ELF5: variants seen among roughly 807,000 people sequenced by gnomAD.
ELF5 encodes the protein E74 like ETS transcription factor 5, also known as ETS-related transcription factor Elf-5.
In ELF5, 31 loss-of-function variants were observed where a neutral mutation model predicts 38.2. The ratio of observed to expected loss-of-function variants is 0.81; its 90% CI spans 0.61 to 1.10. ELF5 has a LOEUF of 1.10. Ranked by LOEUF, ELF5 falls within the 50% of genes least tolerant of loss-of-function variation. The pLI is 0.00. For missense variants in ELF5, 300 were observed against 306.6 expected (o/e 0.98, Z 0.16); for synonymous variants, 121 against 112.5 (o/e 1.08, Z -0.48).
chr11:34,479,688 CAAAAAAA>C lies in ELF5; in HGVS notation c.*523_*529del, dbSNP rs11388919. On this transcript the variant is annotated 3_prime_UTR_variant, in exon 7 of 7. Transcript: ENST00000257832. Reference sequence around the variant, plus strand: ...TGGGCAACATAGTGAGAACCCGTCTCAAAAAAAAAAAAAGGGATACTTTTCTATGGAT... The same window carrying C: ...TGGGCAACATAGTGAGAACCCGTCTCAAAAAAGGGATACTTTTCTATGGAT... The C allele has an allele frequency of 7.3e-6, 1 of 137,372 alleles. No individual in the cohort carries two copies. Among genetic ancestry groups the C allele is most frequent in the East Asian group, 2.1e-4 (1 of 4,792 alleles). The allele number at this position is 137,372 out of a possible 1,614,324, so 8.5% of individuals were successfully genotyped here.
intron 1 of ELF5, among the ~76,000 whole-genome samples, chr11:34,510,294 TA>T (rs201084454): frequency 0.011 from 1,706 of 151,144 alleles, 34 homozygotes; most frequent in African/African-American, 0.04. Context: ...ATATCTTTTA[TA>T]AAAGCAGAAA....
intron 2 of ELF5, among the ~76,000 whole-genome samples, chr11:34,498,087 T>A (rs922341376): frequency 1.3e-5 from 2 of 152,156 alleles, no homozygotes; most frequent in African/African-American, 4.8e-5. Flanking sequence ...TATTTTGAAT[T>A]CCCCTTCAAA....
rs189292007 is a variant in ELF5 at position 34,480,389 on chromosome 11, C to T, written c.672-75G>A. ...AAACAACAGAACACAAACACTGTCT[C>T]CTCATTCCTCTCAGGTGACAAGGCT... On this transcript the variant is annotated intron_variant, in intron 6 of 6. Transcript: ENST00000257832. The T allele has an allele frequency of 1.2e-4, 141 of 1,150,046 alleles. No homozygotes were observed. The African/African-American group carries it at 1.9e-3, about 16-fold the overall frequency. 71.2% of individuals were successfully genotyped at this position (1,150,046 alleles called of 1,614,324 possible).
rs1856908130 is a variant in ELF5, at chr11:34,480,386, T to C, written c.672-72A>G. The C allele has an allele frequency of 2.5e-6, 3 of 1,179,574 alleles. No individual in the cohort carries two copies. The African/African-American group carries it at 4.5e-5, about 18-fold the overall frequency. The allele number at this position is 1,179,574 out of a possible 1,614,324, so 73.1% of individuals were successfully genotyped here. A position where few individuals can be genotyped will look rare whatever the true frequency, so the allele number is the denominator to read the frequency against. ...GGAAAACAACAGAACACAAACACTG[T>C]CTCCTCATTCCTCTCAGGTGACAAG... On this transcript the variant is annotated intron_variant, in intron 6 of 6. Coordinates refer to ENST00000257832, the MANE Select transcript of ELF5 (RefSeq NM_001422.4).
At chr11:34,492,938 A>G in intron 3 of ELF5, 1 of 169,794 alleles carries the variant, frequency 5.9e-6, no homozygotes, top group East Asian at 1.5e-4. Context: ...TTCTCAAAGA[A>G]CCTTTCTGGA....
chr11:34,503,822 T>C (rs936325018), intron 2 of ELF5, among the ~76,000 whole-genome samples: 1 of 152,244 alleles, frequency 6.6e-6, no homozygotes, highest in Non-Finnish European at 1.5e-5. Flanking sequence ...ACTTCCCATA[T>C]GATAACTCAT....
intron 4 of ELF5, among the ~76,000 whole-genome samples, chr11:34,486,061 G>C (rs1203380668): frequency 2.0e-5 from 3 of 152,174 alleles, no homozygotes; most frequent in African/African-American, 7.2e-5. Flanking sequence ...TGTGGCCAAA[G>C]GATGTATCCT....
chr11:34,501,914 T>A (rs1188008868), intron 2 of ELF5, among the ~76,000 whole-genome samples: 1 of 152,196 alleles, frequency 6.6e-6, no homozygotes, highest in Non-Finnish European at 1.5e-5. Context: ...ACATCATTTT[T>A]TTTTCTCCTT....
intron 1 of ELF5, among the ~76,000 whole-genome samples, chr11:34,509,976 C>A (rs1485242237): frequency 1.3e-5 from 2 of 152,126 alleles, no homozygotes; most frequent in Non-Finnish European, 2.9e-5. Context: ...ACTAATTGCT[C>A]TCAAAAGTCA....
At chr11:34,505,874 CT>C in intron 1 of ELF5, 121 bp from the exon 2 acceptor site, 2 of 1,256,256 alleles carry the variant, frequency 1.6e-6, no homozygotes, top group Non-Finnish European at 2.1e-6. Context: ...ATGTCACTCA[CT>C]AGGAGCAGGC....
chr11:34,483,670 T>C (rs1460078202), intron 4 of ELF5, among the ~76,000 whole-genome samples: 1 of 152,014 alleles, frequency 6.6e-6, no homozygotes, highest in African/African-American at 2.4e-5. Flanking sequence ...TACTGTACTG[T>C]AGCATACTAT....
At chr11:34,485,132 C>T (rs1849954142) in intron 4 of ELF5, among the ~76,000 whole-genome samples, 1 of 152,138 alleles carries the variant, frequency 6.6e-6, no homozygotes, top group African/African-American at 2.4e-5. Context: ...TATAACAACC[C>T]TGGGTGATAC....
rs372440529 is a variant in ELF5 at position 34,500,293 on chromosome 11, T to C, written c.121+5336A>G. Among the ~76,000 whole-genome samples, 3 of 152,270 alleles carry C rather than the reference T, an allele frequency of 2.0e-5. No homozygotes were observed. The South Asian group carries it at 6.2e-4, about 32-fold the overall frequency. On this transcript the variant is annotated intron_variant, in intron 2 of 6. Coordinates refer to ENST00000257832, the MANE Select transcript of ELF5 (RefSeq NM_001422.4). ...GGCAGCACTGAAGAGAGGTGGTGAA[T>C]GAACTGGATAGCAGGGGCACCATCA...
intron 4 of ELF5, among the ~76,000 whole-genome samples, chr11:34,488,441 C>G (rs192571492): frequency 6.6e-6 from 1 of 152,168 alleles, no homozygotes; most frequent in Non-Finnish European, 1.5e-5. Flanking sequence ...GTTTCTACCC[C>G]TATAAAAAGG....
intron 1 of ELF5, among the ~76,000 whole-genome samples, chr11:34,509,051 C>T (rs11032730): frequency 0.06 from 9,157 of 152,176 alleles, 789 homozygotes; most frequent in African/African-American, 0.19. Flanking sequence ...CATGAGACGC[C>T]GGGTGCGGTG....
intron 2 of ELF5, among the ~76,000 whole-genome samples, chr11:34,500,329 T>C (rs144723621): frequency 7.0e-4 from 106 of 152,324 alleles, no homozygotes; most frequent in African/African-American, 2.2e-3. Flanking sequence ...ATTGCAGCTT[T>C]GTCACTGAAA....
intron 2 of ELF5, among the ~76,000 whole-genome samples, chr11:34,497,245 C>A (rs759581091): frequency 1.3e-5 from 2 of 152,186 alleles, no homozygotes; most frequent in South Asian, 2.1e-4. Context: ...TTTTTCTCAA[C>A]GCTTCTATCA....
At chr11:34,507,987 C>T (rs549811895) in intron 1 of ELF5, among the ~76,000 whole-genome samples, 3 of 152,076 alleles carry the variant, frequency 2.0e-5, no homozygotes, top group African/African-American at 7.2e-5. Flanking sequence ...TTAAAAAAAT[C>T]ATCAACTCCC....
intron 4 of ELF5, among the ~76,000 whole-genome samples, chr11:34,483,539 A>C (rs1345176196): frequency 6.6e-6 from 1 of 151,976 alleles, no homozygotes. Context: ...GTACTATGCT[A>C]ACTATATTGT....
Sources: allele counts gnomAD v4.1 joint callset (sites outside exome capture counted in the v4.1 genomes callset), GRCh38; gene constraint gnomAD v4.1.1; transcripts MANE v1.5; gene names NCBI Gene and HGNC (gene_info 2026-07-23, HGNC 2026-07-21).